Variants in SPATA6 observed in about 807,000 individuals in gnomAD.
SPATA6 encodes the protein spermatogenesis-associated protein 6.
A neutral mutation model predicts 65.3 loss-of-function variants in SPATA6; 56 were observed. The ratio of observed to expected loss-of-function variants is 0.86; its 90% CI spans 0.69 to 1.07. The LOEUF (loss-of-function observed/expected upper bound fraction) is 1.07, where lower values mean the gene tolerates loss of function less well. Ranked by LOEUF, SPATA6 falls within the 50% of genes least tolerant of loss-of-function variation. SPATA6 has a pLI of 0.00. For synonymous variants in SPATA6, 199 were observed against 213.2 expected, an observed-to-expected ratio of 0.93 and a Z score of 0.58; for missense variants, 590 against 594.8, an observed-to-expected ratio of 0.99 and a Z score of 0.08.
the SPATA6 span, among the ~76,000 whole-genome samples, chr1:48,285,985 G>A: frequency 1.3e-5 from 2 of 152,210 alleles, no homozygotes; most frequent in South Asian, 4.1e-4. Context: ...GACCATATAT[G>A]CATGAGTTTA....
At position 48,359,771 on chromosome 1, in the gene SPATA6, C is replaced by T. The variant is rs1325758549; in HGVS notation, c.910-1G>A. ...CTCTCCCATGGGGTGTCCTGATAAC[C>T]TGTTTTAAAAATTATATACATATAG... On this transcript the variant is annotated splice_acceptor_variant, in intron 9 of 12. Coordinates refer to ENST00000371847, the MANE Select transcript of SPATA6 (RefSeq NM_019073.4). LOFTEE classifies it high-confidence loss of function. 1.2e-6 allele frequency: 2 copies of T among 1,602,422 alleles called. No individual in the cohort carries two copies. The highest frequency in any genetic ancestry group is 1.7e-6 in the Non-Finnish European group (2 of 1,174,270).
At chr1:48,333,351 C>T (rs889064025) in intron 11 of SPATA6, among the ~76,000 whole-genome samples, 5 of 152,146 alleles carry the variant, frequency 3.3e-5, no homozygotes, top group Non-Finnish European at 7.3e-5. Flanking sequence ...GGTCTTGGGC[C>T]TTTGGCCACA....
At chr1:48,286,424 T>C in the SPATA6 span, among the ~76,000 whole-genome samples, 3 of 152,192 alleles carry the variant, frequency 2.0e-5, no homozygotes, top group Non-Finnish European at 2.9e-5. Flanking sequence ...TTTTTGTTGC[T>C]AATGTAAATG....
intron 5 of SPATA6, among the ~76,000 whole-genome samples, chr1:48,410,518 G>A (rs148422846): frequency 8.9e-4 from 136 of 152,074 alleles, no homozygotes; most frequent in Middle Eastern, 6.8e-3. Flanking sequence ...ACACTACCTC[G>A]GTACCAATGT....
At chr1:48,282,741 C>G in the SPATA6 span, among the ~76,000 whole-genome samples, 1 of 152,080 alleles carries the variant, frequency 6.6e-6, no homozygotes, top group African/African-American at 2.4e-5. Flanking sequence ...GGTGGGACTG[C>G]AAACTAGTTC....
intron 3 of SPATA6, among the ~76,000 whole-genome samples, chr1:48,444,318 T>A (rs1655804811): frequency 6.7e-6 from 1 of 148,636 alleles, no homozygotes; most frequent in Non-Finnish European, 1.5e-5. Context: ...CAATCAGCAC[T>A]CTGTAAAAAC....
chr1:48,328,937 A>C (rs1380486206), intron 11 of SPATA6, among the ~76,000 whole-genome samples: 1 of 152,142 alleles, frequency 6.6e-6, no homozygotes. Context: ...ACCATAATAA[A>C]CATGAAATAC....
chr1:48,410,384 C>T (rs1473499988), intron 5 of SPATA6, among the ~76,000 whole-genome samples: 1 of 152,204 alleles, frequency 6.6e-6, no homozygotes, highest in Non-Finnish European at 1.5e-5. Flanking sequence ...TTCAACAAGT[C>T]TCTAGGAAGT....
chr1:48,461,872 C>A (rs1657456531), intron 1 of SPATA6, among the ~76,000 whole-genome samples: 1 of 152,210 alleles, frequency 6.6e-6, no homozygotes, highest in Non-Finnish European at 1.5e-5. Flanking sequence ...ATAAACCATG[C>A]TGCTGTAAAG....
intron 11 of SPATA6, among the ~76,000 whole-genome samples, chr1:48,314,193 A>G (rs1470827462): frequency 6.6e-6 from 1 of 152,342 alleles, no homozygotes; most frequent in East Asian, 1.9e-4. Flanking sequence ...AAGCAGACCT[A>G]ATAGACATCT....
intron 3 of SPATA6, among the ~76,000 whole-genome samples, chr1:48,428,775 ATGTG>A (rs59651745): frequency 0.014 from 1,900 of 133,552 alleles, 42 homozygotes; most frequent in South Asian, 0.059. Context: ...AGGTGTATAT[ATGTG>A]TGTGTGTGTG....
intron 12 of SPATA6, among the ~76,000 whole-genome samples, chr1:48,301,489 A>G (rs1166921340): frequency 1.3e-5 from 2 of 151,924 alleles, no homozygotes; most frequent in African/African-American, 2.4e-5. Flanking sequence ...GACATTCTAC[A>G]CAGCAATAAT....
chr1:48,283,037 C>T, the SPATA6 span, among the ~76,000 whole-genome samples: 9 of 151,970 alleles, frequency 5.9e-5, no homozygotes, highest in East Asian at 1.2e-3. Context: ...TTTGTAGGGA[C>T]GTGGGTGAAA....
intron 3 of SPATA6, among the ~76,000 whole-genome samples, chr1:48,429,135 A>G (rs1292190140): frequency 1.4e-5 from 2 of 147,264 alleles, no homozygotes; most frequent in Admixed American, 1.4e-4. Flanking sequence ...AGGATGGGCA[A>G]AAAAAAAAAA....
intron 3 of SPATA6, among the ~76,000 whole-genome samples, chr1:48,420,994 T>C (rs1653272637): frequency 1.3e-5 from 2 of 152,050 alleles, no homozygotes; most frequent in Non-Finnish European, 2.9e-5. Context: ...AAAACTATGA[T>C]ATAACAGAAG....
chr1:48,307,450 TC>T (rs1645089584), intron 11 of SPATA6, among the ~76,000 whole-genome samples: 1 of 149,922 alleles, frequency 6.7e-6, no homozygotes, highest in African/African-American at 2.4e-5. Context: ...CAAGGACCCA[TC>T]TTTTGTAAGA....
At chr1:48,315,221 C>A (rs933087158) in intron 11 of SPATA6, among the ~76,000 whole-genome samples, 1 of 152,144 alleles carries the variant, frequency 6.6e-6, no homozygotes, top group African/African-American at 2.4e-5. Flanking sequence ...ATACCAAAGC[C>A]TGGCAGAGAC....
intron 11 of SPATA6, among the ~76,000 whole-genome samples, chr1:48,307,103 G>A (rs1645079869): frequency 6.6e-6 from 1 of 151,492 alleles, no homozygotes; most frequent in African/African-American, 2.4e-5. Flanking sequence ...AGCATTTACT[G>A]TATTATCAAA....
chr1:48,413,192 A>G (rs777704790), intron 3 of SPATA6, 41 bp from the exon 4 acceptor site: 43 of 1,214,622 alleles, frequency 3.5e-5, no homozygotes, highest in Non-Finnish European at 3.5e-5. Flanking sequence ...AAACAAATTA[A>G]TAACAAAAAA....
Sources: gnomAD v4.1 joint callset for allele counts (sites outside exome capture counted in the v4.1 genomes callset) on GRCh38, gnomAD v4.1.1 for gene constraint, MANE v1.5 for transcripts, NCBI Gene and HGNC (gene_info 2026-07-23, HGNC 2026-07-21) for gene names.